Variants in DPYSL2 observed in about 807,000 individuals in gnomAD.
The protein encoded by DPYSL2 is dihydropyrimidinase like 2, also known as dihydropyrimidinase-related protein 2.
A neutral mutation model predicts 69.9 loss-of-function variants in DPYSL2; 13 were observed. The ratio of observed to expected loss-of-function variants is 0.19; its 90% CI spans 0.12 to 0.30. The LOEUF is 0.30. Among genes scored for constraint, DPYSL2 ranks in the 10% least tolerant of loss-of-function variants. DPYSL2 has a pLI of 1.00. For synonymous variants in DPYSL2, 326 were observed against 359.1 expected (o/e 0.91, Z 1.04); for missense variants, 587 against 918.9 (o/e 0.64, Z 4.67).
chr8:26,603,998 C>T (rs992431804), intron 3 of DPYSL2, among the ~76,000 whole-genome samples: 2 of 152,032 alleles, frequency 1.3e-5, no homozygotes, highest in Admixed American at 6.6e-5. Context: ...GGTGTGTGCC[C>T]GTAAATGGAA....
At chr8:26,555,900 T>C (rs1800938203) in intron 1 of DPYSL2, among the ~76,000 whole-genome samples, 1 of 138,666 alleles carries the variant, frequency 7.2e-6, no homozygotes, top group South Asian at 2.1e-4. Context: ...GTAGTACTTG[T>C]ATAGGTAGTT....
Position 26,566,485 on chromosome 8 carries a change from C to T in DPYSL2, c.355-15484C>T, listed in dbSNP as rs1215136066. On this transcript the variant is annotated intron_variant, in intron 1 of 13. Transcript: ENST00000521913. Reference sequence around the variant, plus strand: ...TAGGGCTTTGTGGCATGCATGTCCTCTTTGGACTTGATTACAAACTGAACA... The same window carrying T: ...TAGGGCTTTGTGGCATGCATGTCCTTTTTGGACTTGATTACAAACTGAACA... Among the ~76,000 whole-genome samples, 3 of 152,288 alleles carry T rather than the reference C, an allele frequency of 2.0e-5. No homozygotes were observed. The East Asian group carries it at 5.8e-4, about 29-fold the overall frequency.
At chr8:26,579,391 G>T (rs988126547) in intron 1 of DPYSL2, among the ~76,000 whole-genome samples, 26 of 152,218 alleles carry the variant, frequency 1.7e-4, no homozygotes, top group Non-Finnish European at 4.4e-5. Flanking sequence ...TCCCAGGGAG[G>T]GGGGAACACC....
Position 26,600,341 on chromosome 8 carries a change from A to G in DPYSL2, c.628+16358A>G, listed in dbSNP as rs138085465. Among the ~76,000 whole-genome samples, 439 of 152,080 alleles carry G rather than the reference A, an allele frequency of 2.9e-3. 1 individual carries two copies. The highest frequency in any genetic ancestry group is 0.01 in the African/African-American group (429 of 41,456). ...TTTTTTTTTTGGCCATGTTACTGGC[A>G]AATATATTTAACTTTCTGAGCAACA... On this transcript the variant is annotated intron_variant, in intron 3 of 13. Coordinates refer to ENST00000521913, the MANE Select transcript of DPYSL2 (RefSeq NM_001197293.3).
rs2117594449 is a variant in DPYSL2 at position 26,517,032 on chromosome 8, T to C, written c.354+2353T>C. Among the ~76,000 whole-genome samples, 1 of 152,364 alleles carries C rather than the reference T, an allele frequency of 6.6e-6. No individual in the cohort carries two copies. Among genetic ancestry groups the C allele is most frequent in the Non-Finnish European group, 1.5e-5 (1 of 68,038 alleles). Reference sequence around the variant, plus strand: ...TGAGTTGGGTGAGTGCCAGCATCTCTGTGCATTCTAATTGGAAGCCCTGAC... The same window carrying C: ...TGAGTTGGGTGAGTGCCAGCATCTCCGTGCATTCTAATTGGAAGCCCTGAC... On this transcript the variant is annotated intron_variant, in intron 1 of 13. Coordinates refer to ENST00000521913, the MANE Select transcript of DPYSL2 (RefSeq NM_001197293.3). This position sits in a 1 kb window ranked among gnomAD's most constrained non-coding sequence, Gnocchi z 4.2.
At chr8:26,538,286 T>A (rs1402359069) in intron 1 of DPYSL2, among the ~76,000 whole-genome samples, 1 of 152,162 alleles carries the variant, frequency 6.6e-6, no homozygotes, top group Non-Finnish European at 1.5e-5. Flanking sequence ...AACAGCTACT[T>A]GCCAATGAAA....
chr8:26,540,539 C>A (rs555055027), intron 1 of DPYSL2, among the ~76,000 whole-genome samples: 1 of 152,174 alleles, frequency 6.6e-6, no homozygotes, highest in Non-Finnish European at 1.5e-5. Flanking sequence ...GGATCAACCA[C>A]GGAAGACTAC....
At chr8:26,635,797 TATCTTTCATTTG>T (rs1802901418) in intron 8 of DPYSL2, among the ~76,000 whole-genome samples, 1 of 152,226 alleles carries the variant, frequency 6.6e-6, no homozygotes, top group Non-Finnish European at 1.5e-5. Context: ...TGTTTCATTT[TATCTTTCATTTG>T]ACTCTTTCTC....
chr8:26,531,617 C>T (rs767643514), intron 1 of DPYSL2, among the ~76,000 whole-genome samples: 22 of 152,154 alleles, frequency 1.4e-4, no homozygotes, highest in Admixed American at 3.3e-4. Flanking sequence ...ATAGACAGAA[C>T]CTCTGTTCCA....
At chr8:26,543,184 T>C (rs1800712434) in intron 1 of DPYSL2, among the ~76,000 whole-genome samples, 1 of 152,172 alleles carries the variant, frequency 6.6e-6, no homozygotes, top group East Asian at 1.9e-4. Flanking sequence ...TCTAAGATAA[T>C]TCATTATCAG....
chr8:26,539,975 A>G (rs1371220563), intron 1 of DPYSL2, among the ~76,000 whole-genome samples: 5 of 152,252 alleles, frequency 3.3e-5, no homozygotes, highest in Admixed American at 3.3e-4. Flanking sequence ...TCAAGGAAAC[A>G]TAAAACCACC....
chr8:26,643,314 T>G lies in DPYSL2; in HGVS notation c.1127-125T>G. ...AGTTTCCTCATCTGCGAGATGAGCC[T>G]GATATTTCCTATAAAGGGATAGTGA... On this transcript the variant is annotated intron_variant, in intron 8 of 13. Coordinates refer to ENST00000521913, the MANE Select transcript of DPYSL2 (RefSeq NM_001197293.3). This position sits in a 1 kb window ranked among gnomAD's most constrained non-coding sequence, Gnocchi z 6.5. 25 of 1,041,160 alleles carry G rather than the reference T, an allele frequency of 2.4e-5. No homozygotes were observed. Among genetic ancestry groups the G allele is most frequent in the Non-Finnish European group, 3.3e-5 (24 of 732,028 alleles). 64.5% of individuals were successfully genotyped at this position (1,041,160 alleles called of 1,614,324 possible). A position where few individuals can be genotyped will look rare whatever the true frequency, so the allele number is the denominator to read the frequency against.
In DPYSL2 at chr8:26,653,871, A is replaced by T. The variant is rs1003994427; in HGVS notation, c.1942+474A>T. Among the ~76,000 whole-genome samples, 12 of 152,118 alleles carry T rather than the reference A, an allele frequency of 7.9e-5. No homozygotes were observed. Among genetic ancestry groups the T allele is most frequent in the Non-Finnish European group, 1.2e-4 (8 of 68,022 alleles). Reference sequence around the variant, plus strand: ...GGGCCCAGCCTAGCTTGGCCTGGAGATGTATTTTCATAGTTAATGACTGGT... The same window carrying T: ...GGGCCCAGCCTAGCTTGGCCTGGAGTTGTATTTTCATAGTTAATGACTGGT... On this transcript the variant is annotated intron_variant, in intron 13 of 13. Coordinates refer to ENST00000521913, the MANE Select transcript of DPYSL2 (RefSeq NM_001197293.3). The surrounding 1 kb of genome is among the most constrained non-coding windows in gnomAD (Gnocchi z 5.7).
chr8:26,552,576 G>A (rs1800887808), intron 1 of DPYSL2, among the ~76,000 whole-genome samples: 1 of 152,222 alleles, frequency 6.6e-6, no homozygotes, highest in Non-Finnish European at 1.5e-5. Flanking sequence ...AGGCTGGGAA[G>A]TCCAAAGTCC....
At chr8:26,622,145 CCTT>C (rs765100575) in intron 3 of DPYSL2, among the ~76,000 whole-genome samples, 1,270 of 57,086 alleles carry the variant, frequency 0.022, 44 homozygotes, top group Admixed American at 0.073. Context: ...TTCCTTCCTT[CCTT>C]CCTTCCTTCC....
chr8:26,571,572 A>C lies in DPYSL2; in HGVS notation c.355-10397A>C, dbSNP rs1386734961. On this transcript the variant is annotated intron_variant, in intron 1 of 13. Coordinates refer to ENST00000521913, the MANE Select transcript of DPYSL2 (RefSeq NM_001197293.3). This position sits in a 1 kb window ranked among gnomAD's most constrained non-coding sequence, Gnocchi z 6.1. The stretch of plus-strand genomic sequence containing the variant: ...GGAGGTGTGTGCGCTAACTGGGGAT[A>C]AGAGAAAGCCCGAGTCGACTAGATT... Among the ~76,000 whole-genome samples the C allele has an allele frequency of 6.6e-6, 1 of 152,174 alleles. No individual in the cohort carries two copies. Among genetic ancestry groups the C allele is most frequent in the Non-Finnish European group, 1.5e-5 (1 of 68,020 alleles).
intron 3 of DPYSL2, among the ~76,000 whole-genome samples, chr8:26,604,615 C>T (rs183182718): frequency 4.9e-4 from 74 of 152,084 alleles, no homozygotes; most frequent in Admixed American, 2.0e-3. Flanking sequence ...AAAAGTTGGA[C>T]GTTAGCTATC....
At chr8:26,550,231 T>C (rs1360435088) in intron 1 of DPYSL2, among the ~76,000 whole-genome samples, 1 of 152,144 alleles carries the variant, frequency 6.6e-6, no homozygotes, top group Non-Finnish European at 1.5e-5. Flanking sequence ...AACATGGACT[T>C]GTTGTAAGTG....
chr8:26,550,783 A>C (rs1327378911), intron 1 of DPYSL2, among the ~76,000 whole-genome samples: 1 of 152,158 alleles, frequency 6.6e-6, no homozygotes, highest in East Asian at 1.9e-4. Flanking sequence ...GCAAGTCTGA[A>C]GGCCTCAGAT....
Sources: allele counts gnomAD v4.1 joint callset (sites outside exome capture counted in the v4.1 genomes callset), GRCh38; gene constraint gnomAD v4.1.1; non-coding constraint Gnocchi (gnomAD v3.1); transcripts MANE v1.5; gene names NCBI Gene and HGNC (gene_info 2026-07-23, HGNC 2026-07-21).